OPA1: variants seen among roughly 807,000 people sequenced by gnomAD.
OPA1 encodes the protein OPA1 mitochondrial dynamin like GTPase, also known as dynamin-like GTPase OPA1, mitochondrial.
In OPA1, 59 loss-of-function variants were observed where a neutral mutation model predicts 152.9. The observed-to-expected ratio is 0.39, with a 90% CI of 0.31 to 0.48. OPA1 has a LOEUF of 0.48. OPA1 is among the 20% of genes least tolerant of loss of function. The probability of loss-of-function intolerance (pLI) is 0.96; values close to 1 mark genes in which losing one functional copy is unlikely to be tolerated. For missense variants in OPA1, 1,008 were observed against 1,216.8 expected (o/e 0.83, Z 2.55); for synonymous variants, 400 against 389.9 (o/e 1.03, Z -0.31).
intron 6 of OPA1, among the ~76,000 whole-genome samples, chr3:193,622,332 G>A (rs1333792716): frequency 1.4e-5 from 2 of 144,492 alleles, no homozygotes; most frequent in Non-Finnish European, 3.0e-5. Context: ...GGGTTCAAGC[G>A]ATTCTCCTGC....
intron 29 of OPA1, among the ~76,000 whole-genome samples, chr3:193,686,502 G>A (rs567209010): frequency 6.6e-6 from 1 of 152,064 alleles, no homozygotes. Context: ...TATCTGTTTG[G>A]TTCAACCTTT....
chr3:193,657,040 G>T, intron 22 of OPA1, 40 bp from the exon 23 acceptor site: 1 of 1,553,296 alleles, frequency 6.4e-7, no homozygotes, highest in Non-Finnish European at 8.8e-7. Flanking sequence ...ATTGAAGTAT[G>T]TAGTAATAAT....
At position 193,617,836 on chromosome 3, in the gene OPA1, A is replaced by T; in HGVS notation, c.609A>T (p.Leu203Phe). Reference protein sequence around the residue: ...VIGASDLLLLLGSPEETAFRA... With the variant: ...VIGASDLLLLFGSPEETAFRA... ...GAGCTTCTGACCTACTTCTCTTGTT[A>T]GGTGTGTAAACAGACATTTTTGCTG... The change falls in exon 5 of 31, where the codon TTA (leucine) becomes TTT (phenylalanine). Residue 203 changes from leucine (L) to phenylalanine (F), a missense_variant and splice_region_variant. Leu to Phe is a conservative substitution (Grantham distance 22). Coordinates refer to ENST00000361510, the MANE Select transcript of OPA1 (RefSeq NM_130837.3). 1 of 1,610,544 alleles carries T rather than the reference A, an allele frequency of 6.2e-7. No individual in the cohort carries two copies. The highest frequency in any genetic ancestry group is 8.5e-7 in the Non-Finnish European group (1 of 1,176,986).
intron 29 of OPA1, among the ~76,000 whole-genome samples, chr3:193,674,014 C>T (rs147384432): frequency 1.3e-5 from 2 of 152,346 alleles, no homozygotes; most frequent in East Asian, 3.9e-4. Flanking sequence ...TTTACTGGAG[C>T]TTGTGGGGAT....
intron 29 of OPA1, among the ~76,000 whole-genome samples, chr3:193,669,492 A>C (rs892574634): frequency 1.3e-5 from 2 of 152,150 alleles, no homozygotes; most frequent in Non-Finnish European, 2.9e-5. Flanking sequence ...CCAGAGCCTT[A>C]GCTTCTTTAT....
intron 25 of OPA1, among the ~76,000 whole-genome samples, chr3:193,659,861 A>G (rs1352405442): frequency 6.6e-6 from 1 of 152,142 alleles, no homozygotes; most frequent in African/African-American, 2.4e-5. Context: ...AAAGTTATGA[A>G]CAGGCCAGGC....
chr3:193,612,355 G>C (rs1361763565), intron 1 of OPA1, among the ~76,000 whole-genome samples: 1 of 149,650 alleles, frequency 6.7e-6, no homozygotes, highest in Non-Finnish European at 1.5e-5. Flanking sequence ...TATGTAGGTA[G>C]AGATGGACAA....
At chr3:193,685,001 T>A (rs113144397) in intron 29 of OPA1, among the ~76,000 whole-genome samples, 5 of 152,194 alleles carry the variant, frequency 3.3e-5, no homozygotes, top group African/African-American at 9.6e-5. Flanking sequence ...GTTTATTTTT[T>A]AAAAAGCTGA....
chr3:193,659,423 G>A, intron 24 of OPA1, 59 bp from the exon 25 acceptor site: 1 of 1,344,520 alleles, frequency 7.4e-7, no homozygotes, highest in South Asian at 1.2e-5. Flanking sequence ...ACCATTATTA[G>A]TTATAATTTG....
chr3:193,668,249 C>A, intron 29 of OPA1: 1 of 1,118,960 alleles, frequency 8.9e-7, no homozygotes, highest in Non-Finnish European at 1.3e-6. Flanking sequence ...AATATATTTT[C>A]ATATTTTGGT....
chr3:193,645,111 A>G (rs1239905738), intron 16 of OPA1, among the ~76,000 whole-genome samples: 18 of 152,148 alleles, frequency 1.2e-4, no homozygotes, highest in Admixed American at 1.2e-3. Context: ...AAAGAAGACA[A>G]TCCAGCTTGG....
At chr3:193,671,935 G>A (rs899083207) in intron 29 of OPA1, among the ~76,000 whole-genome samples, 25 of 152,168 alleles carry the variant, frequency 1.6e-4, no homozygotes, top group Admixed American at 3.9e-4. Context: ...TTAATTTCTT[G>A]TTTGCAGTAT....
At chr3:193,604,148 G>T (rs1726874073) in intron 1 of OPA1, among the ~76,000 whole-genome samples, 1 of 152,210 alleles carries the variant, frequency 6.6e-6, no homozygotes, top group Non-Finnish European at 1.5e-5. Context: ...TAAACAATTA[G>T]GATATGCCTT....
intron 16 of OPA1, among the ~76,000 whole-genome samples, chr3:193,644,372 A>G (rs1341253790): frequency 6.6e-6 from 1 of 152,178 alleles, no homozygotes; most frequent in Non-Finnish European, 1.5e-5. Flanking sequence ...GCTGCTTGTT[A>G]GAGACTCAGC....
chr3:193,611,891 GA>G (rs1398374999), intron 1 of OPA1, among the ~76,000 whole-genome samples: 2 of 151,602 alleles, frequency 1.3e-5, no homozygotes, highest in African/African-American at 2.4e-5. Flanking sequence ...ATTTTTTGTG[GA>G]AAAATTTTAG....
intron 27 of OPA1, among the ~76,000 whole-genome samples, chr3:193,666,079 A>G (rs1169178567): frequency 1.3e-5 from 2 of 152,224 alleles, no homozygotes; most frequent in Non-Finnish European, 2.9e-5. Context: ...AAACAAAGCT[A>G]TCTAGGTGTC....
At chr3:193,646,791 A>T (rs1486128483) in intron 18 of OPA1, among the ~76,000 whole-genome samples, 1 of 152,148 alleles carries the variant, frequency 6.6e-6, no homozygotes, top group Non-Finnish European at 1.5e-5. Context: ...AATAAAATAA[A>T]ATATAACATT....
In OPA1 at chr3:193,626,160, C is replaced by T. The variant is rs777237267; in HGVS notation, c.747C>T (p.Ala249=). ...IQEHEEEARR[A]AGQYSTSYAQ... is the part of the protein sequence containing the mutation. Reference sequence around the variant, plus strand: ...AGCATGAAGAGGAAGCGCGCAGAGCCGCTGGCCAATATAGCACGAGCTATG... The same window carrying T: ...AGCATGAAGAGGAAGCGCGCAGAGCTGCTGGCCAATATAGCACGAGCTATG... Residue 249 remains alanine (A), a synonymous_variant, in exon 7 of 31, where the codon GCC becomes GCT. Transcript: ENST00000361510. 2.9e-5 allele frequency: 47 copies of T among 1,614,062 alleles called. No homozygotes were observed. The highest frequency in any genetic ancestry group is 1.3e-4 in the South Asian group (12 of 91,080).
At chr3:193,678,703 A>G (rs1049898559) in intron 29 of OPA1, among the ~76,000 whole-genome samples, 3 of 152,216 alleles carry the variant, frequency 2.0e-5, no homozygotes, top group African/African-American at 7.2e-5. Context: ...TGGAAGCCAT[A>G]TTGTAGCATA....
Sources: gnomAD v4.1 joint callset for allele counts (sites outside exome capture counted in the v4.1 genomes callset) on GRCh38, gnomAD v4.1.1 for gene constraint, MANE v1.5 for transcripts, NCBI Gene and HGNC (gene_info 2026-07-23, HGNC 2026-07-21) for gene names.